RBM19: variants seen among roughly 807,000 people sequenced by gnomAD.
RBM19 encodes probable RNA-binding protein 19.
Under a neutral mutation model 116.8 loss-of-function variants are expected in RBM19, and 94 were observed. The ratio of observed to expected loss-of-function variants is 0.80; its 90% CI spans 0.68 to 0.95. The LOEUF (loss-of-function observed/expected upper bound fraction) is 0.95, where lower values mean the gene tolerates loss of function less well. Ranked by LOEUF, RBM19 falls within the 40% of genes least tolerant of loss-of-function variation. RBM19 has a pLI of 0.00. For synonymous variants in RBM19, 475 were observed against 494.1 expected, an observed-to-expected ratio of 0.96 and a Z score of 0.51; for missense variants, 1,161 against 1,220.7, an observed-to-expected ratio of 0.95 and a Z score of 0.73.
rs965490550 is a variant in RBM19 at position 113,948,739 on chromosome 12, G to A, written c.1276+94C>T. ...AAACTGAGGCAAGAGATGTGGAGTC[G>A]TGTGCACACTGGGACTTGAACCCAG... On this transcript the variant is annotated intron_variant, in intron 10 of 23. Coordinates refer to ENST00000261741, the MANE Select transcript of RBM19 (RefSeq NM_016196.4). 44 of 1,266,544 alleles carry A rather than the reference G, an allele frequency of 3.5e-5. No homozygotes were observed. In the South Asian group the frequency reaches 4.4e-4, roughly 13 times the overall value. The allele number at this position is 1,266,544 out of a possible 1,614,324, so 78.5% of individuals were successfully genotyped here. A position where few individuals can be genotyped will look rare whatever the true frequency, so the allele number is the denominator to read the frequency against.
intron 21 of RBM19, among the ~76,000 whole-genome samples, chr12:113,882,990 A>AAG (rs1327228403): frequency 6.6e-6 from 1 of 152,200 alleles, no homozygotes; most frequent in Non-Finnish European, 1.5e-5. Flanking sequence ...GCCTTGAAAA[A>AAG]ATTGCCAAGC....
chr12:113,925,725 C>T (rs948213985), intron 17 of RBM19, among the ~76,000 whole-genome samples: 3 of 149,666 alleles, frequency 2.0e-5, no homozygotes, highest in Admixed American at 1.4e-4. Context: ...TGAACTAGGT[C>T]GTCTTGGCTA....
At chr12:113,921,894 T>C (rs1410511920) in intron 18 of RBM19, among the ~76,000 whole-genome samples, 1 of 152,210 alleles carries the variant, frequency 6.6e-6, no homozygotes, top group Non-Finnish European at 1.5e-5. Context: ...TATGGGAAAC[T>C]GACCTCTATA....
intron 23 of RBM19, among the ~76,000 whole-genome samples, chr12:113,828,864 C>G (rs1157528278): frequency 6.6e-6 from 1 of 152,208 alleles, no homozygotes; most frequent in Non-Finnish European, 1.5e-5. Flanking sequence ...CCAGATAGGT[C>G]TGCATCTCAG....
At chr12:113,955,296 C>T (rs1228180491) in intron 6 of RBM19, 85 bp from the exon 7 acceptor site, 4 of 1,336,782 alleles carry the variant, frequency 3.0e-6, no homozygotes, top group Non-Finnish European at 4.3e-6. Context: ...CATTTCAGTG[C>T]CAGAGAAGGT....
At chr12:113,889,436 G>A (rs1880781418) in intron 21 of RBM19, among the ~76,000 whole-genome samples, 1 of 152,220 alleles carries the variant, frequency 6.6e-6, no homozygotes, top group Non-Finnish European at 1.5e-5. Context: ...GGGCAAAGCA[G>A]CTGAAGCCTG....
chr12:113,834,271 T>C (rs902580971), intron 23 of RBM19, among the ~76,000 whole-genome samples: 2 of 152,114 alleles, frequency 1.3e-5, no homozygotes, highest in Non-Finnish European at 2.9e-5. Context: ...AATGAATGAA[T>C]GAATGAATGA....
intron 16 of RBM19, among the ~76,000 whole-genome samples, chr12:113,935,677 T>A (rs1341237255): frequency 1.3e-5 from 2 of 152,052 alleles, no homozygotes; most frequent in Non-Finnish European, 2.9e-5. Context: ...AGATACACAG[T>A]GAAACAAGGA....
intron 23 of RBM19, among the ~76,000 whole-genome samples, chr12:113,831,134 T>C (rs1191951418): frequency 6.6e-6 from 1 of 152,232 alleles, no homozygotes; most frequent in Non-Finnish European, 1.5e-5. Flanking sequence ...GTCAGAATCT[T>C]GATTTTCAGG....
In RBM19 at chr12:113,948,886, T is replaced by C; in HGVS notation, c.1223A>G (p.Asn408Ser). ...CTCCTCGGTGCTGGTGTAGGGCAGG[T>C]TCCGTACAAAGAGCCTTCCGGATTC... ...LAESGRLFVR[N>S]LPYTSTEEDL... Residue 408 changes from asparagine to serine, a missense_variant, in exon 10 of 24, where the codon AAC (asparagine) becomes AGC (serine). Asn to Ser is a conservative substitution (Grantham distance 46). Coordinates refer to ENST00000261741, the MANE Select transcript of RBM19 (RefSeq NM_016196.4). The C allele has an allele frequency of 2.5e-6, 4 of 1,614,118 alleles. No homozygotes were observed. The highest frequency in any genetic ancestry group is 3.4e-6 in the Non-Finnish European group (4 of 1,180,000).
intron 21 of RBM19, among the ~76,000 whole-genome samples, chr12:113,866,511 C>G (rs969051098): frequency 6.6e-6 from 1 of 152,288 alleles, no homozygotes; most frequent in South Asian, 2.1e-4. Context: ...CTGGATGGGG[C>G]GGATTTGGCA....
chr12:113,875,781 G>A (rs1162631838), intron 21 of RBM19, among the ~76,000 whole-genome samples: 1 of 152,192 alleles, frequency 6.6e-6, no homozygotes, highest in Non-Finnish European at 1.5e-5. Flanking sequence ...CAAAGTTCAC[G>A]CAGAGGGAAA....
At chr12:113,866,904 C>T (rs986754056) in intron 21 of RBM19, among the ~76,000 whole-genome samples, 6 of 152,164 alleles carry the variant, frequency 3.9e-5, no homozygotes, top group Non-Finnish European at 7.3e-5. Flanking sequence ...GTCAAGACAC[C>T]GTGTTGCCAA....
downstream of RBM19, among the ~76,000 whole-genome samples, chr12:113,819,511 C>T (rs963563563): frequency 6.6e-5 from 10 of 152,212 alleles, no homozygotes; most frequent in East Asian, 5.8e-4. Flanking sequence ...GGAGGCTCAC[C>T]GCCCTGGAGG....
At chr12:113,829,592 A>G (rs1673775113) in intron 23 of RBM19, among the ~76,000 whole-genome samples, 1 of 152,222 alleles carries the variant, frequency 6.6e-6, no homozygotes, top group Admixed American at 6.5e-5. Context: ...CACAGGATAA[A>G]CTAAACCACC....
chr12:113,965,576 C>T (rs1158616051), intron 1 of RBM19, among the ~76,000 whole-genome samples: 1 of 152,144 alleles, frequency 6.6e-6, no homozygotes, highest in Non-Finnish European at 1.5e-5. Flanking sequence ...ATGATCCATT[C>T]GAGCCCACCG....
At chr12:113,908,091 C>G (rs1236704944) in intron 21 of RBM19, among the ~76,000 whole-genome samples, 4 of 152,298 alleles carry the variant, frequency 2.6e-5, no homozygotes, top group African/African-American at 9.6e-5. Flanking sequence ...TCTCCCACCC[C>G]ACACACCTCA....
chr12:113,946,297 G>GGTGA, intron 12 of RBM19, 57 bp downstream of exon 12: 1 of 1,612,408 alleles, frequency 6.2e-7, no homozygotes, highest in Non-Finnish European at 8.5e-7. Context: ...GAAAGGGCAG[G>GGTGA]GTGAGGGTGG....
At position 113,879,431 on chromosome 12, in the gene RBM19, T is replaced by TTATATATATATATA. The variant is rs5801011; in HGVS notation, c.2559-20549_2559-20536dup. ...CTGTAAAAATGATCATACATACATT[T>TTATATATATATATA]TATATATATATATATATATGGACTT... On this transcript the variant is annotated intron_variant, in intron 21 of 23. Transcript: ENST00000261741. Among the ~76,000 whole-genome samples, 702 of 132,604 alleles carry TTATATATATATATA rather than the reference T, an allele frequency of 5.3e-3. 11 individuals carry two copies. Among genetic ancestry groups the TTATATATATATATA allele is most frequent in the East Asian group, 0.022 (60 of 2,704 alleles). 87.0% of individuals were successfully genotyped at this position (132,604 alleles called of 152,430 possible). A position where few individuals can be genotyped will look rare whatever the true frequency, so the allele number is the denominator to read the frequency against.
Sources: allele counts gnomAD v4.1 joint callset (sites outside exome capture counted in the v4.1 genomes callset), GRCh38; gene constraint gnomAD v4.1.1; transcripts MANE v1.5; gene names NCBI Gene and HGNC (gene_info 2026-07-23, HGNC 2026-07-21).